Variants in NLGN4Y observed in about 807,000 individuals in gnomAD.
NLGN4Y encodes neuroligin-4, Y-linked.
In NLGN4Y, 4 loss-of-function variants were observed where a neutral mutation model predicts 8.4. The observed-to-expected ratio is 0.48, with a 90% CI of 0.23 to 1.09. The LOEUF (loss-of-function observed/expected upper bound fraction) is 1.09. Among genes scored for constraint, NLGN4Y ranks in the 50% least tolerant of loss-of-function variants. The probability of loss-of-function intolerance (pLI) is 0.19; values close to 1 mark genes in which losing one functional copy is unlikely to be tolerated. For missense variants in NLGN4Y, 90 were observed against 192.3 expected (o/e 0.47, Z 3.15); for synonymous variants, 35 against 75.6 (o/e 0.46, Z 2.78).
chrY:14,628,069 C>A (rs2080535215), intron 2 of NLGN4Y, among the ~76,000 whole-genome samples: 1 of 32,337 alleles, frequency 3.1e-5, no homozygotes, highest in Non-Finnish European at 7.5e-5. Flanking sequence ...TACACCACTG[C>A]ACTCCAGCCT....
At chrY:14,627,160 G>C (rs2080531277) in intron 2 of NLGN4Y, among the ~76,000 whole-genome samples, 1 of 29,306 alleles carries the variant, frequency 3.4e-5, no homozygotes. Flanking sequence ...ACTCCAGCTT[G>C]GGTGATAGAG....
intron 4 of NLGN4Y, among the ~76,000 whole-genome samples, chrY:14,787,239 T>A: frequency 6.3e-5 from 2 of 31,998 alleles, no homozygotes; most frequent in African/African-American, 2.5e-4. Context: ...TTGACCACGC[T>A]GGTTTTGAAC....
At chrY:14,615,516 C>T (rs2080485598) in intron 1 of NLGN4Y, among the ~76,000 whole-genome samples, 1 of 33,116 alleles carries the variant, frequency 3.0e-5, no homozygotes, top group African/African-American at 1.2e-4. Context: ...GGAATGCTTC[C>T]AGTTTTTGCC....
intron 2 of NLGN4Y, among the ~76,000 whole-genome samples, chrY:14,628,853 G>A: frequency 3.1e-5 from 1 of 32,172 alleles, no homozygotes; most frequent in African/African-American, 1.2e-4. Flanking sequence ...GAAGTGCAGT[G>A]GTGCAATCGT....
intron 2 of NLGN4Y, among the ~76,000 whole-genome samples, chrY:14,706,985 A>G: frequency 4.8e-5 from 1 of 21,026 alleles, no homozygotes; most frequent in South Asian, 1.2e-3. Context: ...ACACACATAT[A>G]TACATATACA....
At chrY:14,740,965 G>A (rs1019544025) in intron 4 of NLGN4Y, among the ~76,000 whole-genome samples, 8 of 32,241 alleles carry the variant, frequency 2.5e-4, no homozygotes, top group Non-Finnish European at 5.3e-4. Flanking sequence ...GTGCAGTGGC[G>A]CGATCTCAGC....
intron 6 of NLGN4Y, among the ~76,000 whole-genome samples, chrY:14,834,276 A>G: frequency 3.0e-5 from 1 of 33,230 alleles, no homozygotes; most frequent in African/African-American, 1.2e-4. Flanking sequence ...GTCTGTGTTG[A>G]GGGTGCTTCT....
intron 4 of NLGN4Y, among the ~76,000 whole-genome samples, chrY:14,812,894 T>C (rs954393511): frequency 3.1e-5 from 1 of 32,742 alleles, no homozygotes; most frequent in African/African-American, 1.2e-4. Flanking sequence ...CTTAAGAAGA[T>C]AACTTTGTCA....
chrY:14,549,456 C>T (rs2080183984), intron 1 of NLGN4Y, among the ~76,000 whole-genome samples: 1 of 33,255 alleles, frequency 3.0e-5, no homozygotes, highest in South Asian at 6.7e-4. Flanking sequence ...ATCGTCACAA[C>T]GACAGTCATC....
At chrY:14,691,822 T>G in intron 2 of NLGN4Y, among the ~76,000 whole-genome samples, 1 of 33,242 alleles carries the variant, frequency 3.0e-5, no homozygotes, top group African/African-American at 1.2e-4. Flanking sequence ...CATTACCCCA[T>G]GTACTAATTA....
intron 2 of NLGN4Y, among the ~76,000 whole-genome samples, chrY:14,694,014 C>G (rs2080819716): frequency 3.0e-5 from 1 of 32,813 alleles, no homozygotes; most frequent in African/African-American, 1.2e-4. Flanking sequence ...TCATGCTAAC[C>G]GTGCTTTAGA....
rs72611608 is a variant in NLGN4Y at position 14,666,314 on chromosome Y, G to A, written c.472+43723G>A. On this transcript the variant is annotated intron_variant, in intron 2 of 6. Coordinates refer to ENST00000684976, the MANE Select transcript of NLGN4Y (RefSeq NM_001365588.1). Reference sequence around the variant, plus strand: ...ACTGGTGTCAAATGCCTGGGCTCAAGCATTCCTTCTGCCTGAGTCTACCAA... The same window carrying A: ...ACTGGTGTCAAATGCCTGGGCTCAAACATTCCTTCTGCCTGAGTCTACCAA... Among the ~76,000 whole-genome samples, 161 of 33,362 alleles carry A rather than the reference G, an allele frequency of 4.8e-3. No homozygotes were observed. In the East Asian group the frequency reaches 0.12, roughly 24 times the overall value. The allele number at this position is 33,362 out of a possible 37,273, so 89.5% of individuals were successfully genotyped here.
intron 1 of NLGN4Y, among the ~76,000 whole-genome samples, chrY:14,592,562 G>A (rs890289857): frequency 3.1e-5 from 1 of 32,129 alleles, no homozygotes; most frequent in East Asian, 8.4e-4. Flanking sequence ...AGTTTAACTC[G>A]GGTGTGGTGA....
chrY:14,543,951 A>T, intron 1 of NLGN4Y, among the ~76,000 whole-genome samples: 3 of 33,779 alleles, frequency 8.9e-5, no homozygotes, highest in Non-Finnish European at 2.2e-4. Context: ...AATTATCATT[A>T]GGGTATTTCT....
chrY:14,534,098 T>C (rs2080122979), intron 1 of NLGN4Y, among the ~76,000 whole-genome samples: 1 of 33,281 alleles, frequency 3.0e-5, no homozygotes, highest in Admixed American at 2.8e-4. Flanking sequence ...TATAATCCTT[T>C]AGGTATATAC....
chrY:14,630,211 C>A (rs1317231664), intron 2 of NLGN4Y, among the ~76,000 whole-genome samples: 7 of 33,656 alleles, frequency 2.1e-4, no homozygotes, highest in Non-Finnish European at 2.9e-4. Flanking sequence ...TTAACAGAAG[C>A]CCTCCAATGT....
chrY:14,547,082 C>T (rs2150468262), intron 1 of NLGN4Y, among the ~76,000 whole-genome samples: 1 of 34,133 alleles, frequency 2.9e-5, no homozygotes, highest in South Asian at 6.5e-4. Flanking sequence ...TTTATTATCT[C>T]ATACATTTCT....
intron 2 of NLGN4Y, among the ~76,000 whole-genome samples, chrY:14,654,784 A>C (rs2080643676): frequency 3.1e-5 from 1 of 32,298 alleles, no homozygotes. Context: ...ACTCTTTGGC[A>C]TCTCTCTCTC....
At chrY:14,697,382 G>A in intron 2 of NLGN4Y, among the ~76,000 whole-genome samples, 1 of 31,793 alleles carries the variant, frequency 3.1e-5, no homozygotes, top group South Asian at 7.1e-4. Context: ...GAGATGGATA[G>A]ATATAGATAC....
Sources: allele counts gnomAD v4.1 joint callset (sites outside exome capture counted in the v4.1 genomes callset), GRCh38; gene constraint gnomAD v4.1.1; transcripts MANE v1.5; gene names NCBI Gene and HGNC (gene_info 2026-07-23, HGNC 2026-07-21).